Variants in ZC3H12B observed in about 807,000 individuals in gnomAD.
ZC3H12B encodes zinc finger CCCH-type containing 12B, also known as probable ribonuclease ZC3H12B.
ZC3H12B carries 7 observed loss-of-function variants against 43.9 expected under a neutral mutation model. That is an observed-to-expected ratio of 0.16 (90% CI 0.09 to 0.30). The LOEUF is 0.30. Ranked by LOEUF, ZC3H12B falls within the 10% of genes least tolerant of loss-of-function variation. The pLI is 1.00. For synonymous variants in ZC3H12B, 222 were observed against 241.7 expected (o/e 0.92, Z 0.76); for missense variants, 475 against 670.2 (o/e 0.71, Z 3.22).
the ZC3H12B span, among the ~76,000 whole-genome samples, chrX:65,297,898 A>T: frequency 1.0e-3 from 113 of 111,892 alleles, 1 homozygote; most frequent in Middle Eastern, 9.1e-3. Context: ...AACTGAGGAA[A>T]GGACACCCTA....
At chrX:65,436,255 C>G (rs1271054159) in intron 3 of ZC3H12B, among the ~76,000 whole-genome samples, 1 of 112,237 alleles carries the variant, frequency 8.9e-6, no homozygotes, top group Non-Finnish European at 1.9e-5. Context: ...TAACCTCCCA[C>G]TAGGCCCCTC....
At chrX:65,308,797 C>T in the ZC3H12B span, among the ~76,000 whole-genome samples, 5 of 111,892 alleles carry the variant, frequency 4.5e-5, no homozygotes, top group Admixed American at 4.7e-4. Context: ...TCTCTCAGAC[C>T]ACAGAACAAT....
At chrX:65,236,300 C>T in the ZC3H12B span, among the ~76,000 whole-genome samples, 1 of 111,596 alleles carries the variant, frequency 9.0e-6, no homozygotes, top group African/African-American at 3.3e-5. Flanking sequence ...CTATCAGTCA[C>T]TGATGTTTAG....
At chrX:65,158,379 A>T in the ZC3H12B span, among the ~76,000 whole-genome samples, 1 of 111,598 alleles carries the variant, frequency 9.0e-6, no homozygotes, top group African/African-American at 3.3e-5. Context: ...ACTAGTTTAC[A>T]GTCCCACCAA....
At chrX:65,388,061 G>A in intron 2 of ZC3H12B, among the ~76,000 whole-genome samples, 1 of 111,664 alleles carries the variant, frequency 9.0e-6, no homozygotes. Context: ...TTTCTCTCTG[G>A]CTGCCCTTGC....
the ZC3H12B span, among the ~76,000 whole-genome samples, chrX:65,177,817 A>T: frequency 6.1e-4 from 69 of 112,617 alleles, no homozygotes; most frequent in African/African-American, 2.0e-3. Flanking sequence ...CATGGATAGG[A>T]AGAATCAATA....
At chrX:65,251,511 T>A in the ZC3H12B span, among the ~76,000 whole-genome samples, 4 of 111,813 alleles carry the variant, frequency 3.6e-5, no homozygotes, top group African/African-American at 1.3e-4. Context: ...TGGCATTGAA[T>A]CTATAAATTA....
At chrX:65,302,092 G>A in the ZC3H12B span, among the ~76,000 whole-genome samples, 6 of 111,365 alleles carry the variant, frequency 5.4e-5, no homozygotes, top group Non-Finnish European at 9.4e-5. Context: ...GAAACTAGAA[G>A]CTTTCTTACT....
intron 3 of ZC3H12B, among the ~76,000 whole-genome samples, chrX:65,435,984 G>A (rs1443437519): frequency 1.8e-5 from 2 of 111,992 alleles, no homozygotes; most frequent in African/African-American, 6.5e-5. Context: ...ATAACTACCT[G>A]AGACTGAGTA....
chrX:65,211,821 A>G, the ZC3H12B span, among the ~76,000 whole-genome samples: 4 of 80,780 alleles, frequency 5.0e-5, no homozygotes, highest in African/African-American at 9.8e-5. Context: ...TATAATATAT[A>G]TTATGTATAC....
At chrX:65,257,409 C>T in the ZC3H12B span, among the ~76,000 whole-genome samples, 1 of 110,419 alleles carries the variant, frequency 9.1e-6, no homozygotes. Context: ...ACAGTGAGAA[C>T]ACTTGGACAC....
the ZC3H12B span, among the ~76,000 whole-genome samples, chrX:65,173,442 G>A: frequency 9.0e-6 from 1 of 111,708 alleles, no homozygotes; most frequent in Non-Finnish European, 1.9e-5. Flanking sequence ...GTGCTAGTCA[G>A]AACTTTCAAT....
At chrX:65,423,088 A>G (rs1203487236) in intron 3 of ZC3H12B, among the ~76,000 whole-genome samples, 7 of 108,778 alleles carry the variant, frequency 6.4e-5, no homozygotes. Flanking sequence ...ACCTGCCACC[A>G]CACCCAGCTA....
chrX:65,350,424 G>A, the ZC3H12B span, among the ~76,000 whole-genome samples: 1 of 111,670 alleles, frequency 9.0e-6, no homozygotes, highest in Non-Finnish European at 1.9e-5. Flanking sequence ...CAAAAGACAA[G>A]GATGCTCTCT....
intron 3 of ZC3H12B, among the ~76,000 whole-genome samples, chrX:65,463,207 A>G (rs968546294): frequency 8.9e-6 from 1 of 112,037 alleles, no homozygotes; most frequent in African/African-American, 3.2e-5. Flanking sequence ...ACATACCCCA[A>G]ACCTCAGCAT....
chrX:65,069,239 C>T, the ZC3H12B span, among the ~76,000 whole-genome samples: 2 of 104,997 alleles, frequency 1.9e-5, no homozygotes, highest in South Asian at 4.4e-4. Context: ...TTTCTACCTC[C>T]TCTTTAAGGC....
chrX:65,363,536 A>C (rs375723286), upstream of ZC3H12B, among the ~76,000 whole-genome samples: 3 of 111,774 alleles, frequency 2.7e-5, no homozygotes, highest in East Asian at 8.4e-4. Context: ...ATAGATCCTA[A>C]ATCCTTTCCC....
chrX:65,385,505 A>C (rs760612974), intron 2 of ZC3H12B, among the ~76,000 whole-genome samples: 1 of 112,234 alleles, frequency 8.9e-6, no homozygotes, highest in African/African-American at 3.2e-5. Context: ...ATTTTGTATT[A>C]TGAGAGTTTG....
the ZC3H12B span, among the ~76,000 whole-genome samples, chrX:65,060,580 T>A: frequency 2.7e-5 from 3 of 112,127 alleles, no homozygotes; most frequent in Admixed American, 9.4e-5. Context: ...ATCTTTCTAA[T>A]GTATTGTTGA....
Sources: gnomAD v4.1 joint callset for allele counts (sites outside exome capture counted in the v4.1 genomes callset) on GRCh38, gnomAD v4.1.1 for gene constraint, MANE v1.5 for transcripts, NCBI Gene and HGNC (gene_info 2026-07-23, HGNC 2026-07-21) for gene names.